Variants in LRP1B observed in about 807,000 individuals in gnomAD.
LRP1B encodes low-density lipoprotein receptor-related protein 1B.
In LRP1B, 217 loss-of-function variants were observed where a neutral mutation model predicts 556.6. That is an observed-to-expected ratio of 0.39 (90% CI 0.35 to 0.44). The LOEUF (loss-of-function observed/expected upper bound fraction) is 0.44, where lower values mean the gene tolerates loss of function less well. Ranked by LOEUF, LRP1B falls within the 20% of genes least tolerant of loss-of-function variation. The pLI is 1.00. For missense variants in LRP1B, 5,053 were observed against 5,620.8 expected, an observed-to-expected ratio of 0.90 and a Z score of 3.23; for synonymous variants, 2,047 against 1,865.8, an observed-to-expected ratio of 1.10 and a Z score of -2.50.
chr2:140,458,063 A>G (rs1008536484), intron 60 of LRP1B, among the ~76,000 whole-genome samples: 2 of 152,106 alleles, frequency 1.3e-5, no homozygotes, highest in African/African-American at 4.8e-5. Context: ...TTAAATACCT[A>G]AATCTAAAGA....
In LRP1B at chr2:140,416,327, A is replaced by T. The variant is rs1394441618; in HGVS notation, c.10414+26177T>A. On this transcript the variant is annotated intron_variant, in intron 66 of 90. Coordinates refer to ENST00000389484, the MANE Select transcript of LRP1B (RefSeq NM_018557.3). ...GCTGAAAATACAGATTAACATTAGC[A>T]GATAATAAATCAATTGTTTGAAGAC... Among the ~76,000 whole-genome samples, 4 of 152,152 alleles carry T rather than the reference A, an allele frequency of 2.6e-5. No homozygotes were observed. In the East Asian group the frequency reaches 5.8e-4, roughly 22 times the overall value.
At chr2:141,094,074 C>A (rs943351608) in intron 7 of LRP1B, among the ~76,000 whole-genome samples, 1 of 151,910 alleles carries the variant, frequency 6.6e-6, no homozygotes, top group Non-Finnish European at 1.5e-5. Flanking sequence ...GAAAAAGATA[C>A]AGATAGTAAG....
At chr2:141,475,746 A>G (rs1366402040) in intron 3 of LRP1B, among the ~76,000 whole-genome samples, 2 of 150,702 alleles carry the variant, frequency 1.3e-5, no homozygotes, top group Non-Finnish European at 3.0e-5. Flanking sequence ...CTGAATGTCG[A>G]GAGAAGTTCG....
At chr2:140,475,474 C>T in intron 59 of LRP1B, 137 bp from the exon 60 acceptor site, 1 of 548,484 alleles carries the variant, frequency 1.8e-6, no homozygotes. Context: ...AAGAAACATC[C>T]TTTGATGCAA....
chr2:141,817,880 T>C (rs1696613515), intron 1 of LRP1B, among the ~76,000 whole-genome samples: 1 of 152,040 alleles, frequency 6.6e-6, no homozygotes, highest in Non-Finnish European at 1.5e-5. Context: ...GATAGCTAAT[T>C]ACAAATTAAA....
intron 3 of LRP1B, among the ~76,000 whole-genome samples, chr2:141,296,391 CAAATT>C (rs1186535002): frequency 6.6e-6 from 1 of 152,142 alleles, no homozygotes; most frequent in Admixed American, 6.6e-5. Flanking sequence ...TAAGCACAGA[CAAATT>C]AAATTATGTA....
chr2:140,940,153 G>A (rs988228652), intron 20 of LRP1B, among the ~76,000 whole-genome samples: 5 of 152,112 alleles, frequency 3.3e-5, no homozygotes, highest in Middle Eastern at 6.8e-3. Context: ...CCAAAATGCC[G>A]TGATTACAGG....
At chr2:142,022,746 C>CT (rs1170176066) in intron 1 of LRP1B, among the ~76,000 whole-genome samples, 1 of 152,216 alleles carries the variant, frequency 6.6e-6, no homozygotes, top group African/African-American at 2.4e-5. Context: ...TCTCGGCTCA[C>CT]TGCAACCTCC....
Position 141,742,473 on chromosome 2 carries a change from C to T in LRP1B, c.205+67806G>A, listed in dbSNP as rs902004162. Among the ~76,000 whole-genome samples, 7 of 152,024 alleles carry T rather than the reference C, an allele frequency of 4.6e-5. No individual in the cohort carries two copies. The South Asian group carries it at 8.3e-4, about 18-fold the overall frequency. On this transcript the variant is annotated intron_variant, in intron 2 of 90. Transcript: ENST00000389484. ...ATCATCATTTTGGCCAGGCTGGTCT[C>T]GAACTCCTGACCTCAGGTGATTCAC...
chr2:141,700,931 A>G (rs1431514749), intron 2 of LRP1B, among the ~76,000 whole-genome samples: 2 of 151,794 alleles, frequency 1.3e-5, no homozygotes, highest in African/African-American at 2.4e-5. Context: ...ATGTCCCCAT[A>G]TTTATTAAGG....
intron 57 of LRP1B, among the ~76,000 whole-genome samples, chr2:140,488,829 G>A (rs1299456366): frequency 3.9e-5 from 6 of 151,952 alleles, no homozygotes; most frequent in Non-Finnish European, 7.4e-5. Context: ...TGTATGAGTA[G>A]CTGTAGTCTT....
intron 3 of LRP1B, among the ~76,000 whole-genome samples, chr2:141,331,889 C>G (rs1687671319): frequency 6.6e-6 from 1 of 152,120 alleles, no homozygotes; most frequent in African/African-American, 2.4e-5. Flanking sequence ...TGTTCTACCC[C>G]ACATCTGCTA....
chr2:141,340,537 T>C (rs1200798822), intron 3 of LRP1B, among the ~76,000 whole-genome samples: 4 of 152,156 alleles, frequency 2.6e-5, no homozygotes, highest in Admixed American at 6.6e-5. Flanking sequence ...GTGACCCTGA[T>C]AAAAATAAAA....
At chr2:141,452,570 A>T (rs1163670672) in intron 3 of LRP1B, among the ~76,000 whole-genome samples, 1 of 152,222 alleles carries the variant, frequency 6.6e-6, no homozygotes, top group African/African-American at 2.4e-5. Context: ...CAAAAAAGCT[A>T]GCATCGATTA....
At chr2:140,448,968 C>T (rs762973700) in intron 63 of LRP1B, among the ~76,000 whole-genome samples, 23 of 152,074 alleles carry the variant, frequency 1.5e-4, no homozygotes, top group Admixed American at 9.2e-4. Flanking sequence ...GTCTTTCAGA[C>T]ATCAGTGCCT....
At chr2:141,424,643 T>G (rs1472099593) in intron 3 of LRP1B, among the ~76,000 whole-genome samples, 1 of 152,210 alleles carries the variant, frequency 6.6e-6, no homozygotes, top group Non-Finnish European at 1.5e-5. Context: ...ATTTAAATGC[T>G]CCCATATTTT....
At chr2:141,942,011 C>T (rs1383169740) in intron 1 of LRP1B, among the ~76,000 whole-genome samples, 2 of 152,134 alleles carry the variant, frequency 1.3e-5, no homozygotes, top group African/African-American at 2.4e-5. Context: ...TTAATCTCTT[C>T]TCCTTCTCTA....
At chr2:142,022,678 AT>A (rs1466202285) in intron 1 of LRP1B, among the ~76,000 whole-genome samples, 1 of 151,732 alleles carries the variant, frequency 6.6e-6, no homozygotes, top group Non-Finnish European at 1.5e-5. Context: ...TTATTTATTT[AT>A]TTATTTTTTG....
At chr2:140,393,153 T>C (rs943151017) in intron 66 of LRP1B, among the ~76,000 whole-genome samples, 1 of 151,962 alleles carries the variant, frequency 6.6e-6, no homozygotes. Context: ...TACATTTTTT[T>C]TTTTTTTAGC....
Sources: allele counts gnomAD v4.1 joint callset (sites outside exome capture counted in the v4.1 genomes callset), GRCh38; gene constraint gnomAD v4.1.1; transcripts MANE v1.5; gene names NCBI Gene and HGNC (gene_info 2026-07-23, HGNC 2026-07-21).